Variants in SLC4A4 observed in about 807,000 individuals in gnomAD.
SLC4A4 encodes solute carrier family 4 member 4.
A neutral mutation model predicts 111.5 loss-of-function variants in SLC4A4; 27 were observed. The observed-to-expected ratio is 0.24, with a 90% confidence interval of 0.18 to 0.33. The LOEUF (loss-of-function observed/expected upper bound fraction) is 0.33, where lower values mean the gene tolerates loss of function less well. Among genes scored for constraint, SLC4A4 ranks in the 10% least tolerant of loss-of-function variants. The pLI is 1.00. For missense variants in SLC4A4, 909 were observed against 1,315.5 expected (o/e 0.69, Z 4.78); for synonymous variants, 443 against 463.4 (o/e 0.96, Z 0.57).
At chr4:71,488,576 A>G (rs984628762) in intron 15 of SLC4A4, among the ~76,000 whole-genome samples, 1 of 151,720 alleles carries the variant, frequency 6.6e-6, no homozygotes, top group Non-Finnish European at 1.5e-5. Flanking sequence ...TACCAGGGTT[A>G]ATTACTTCTA....
chr4:71,207,316 G>A (rs1331843737), intron 1 of SLC4A4, among the ~76,000 whole-genome samples: 1 of 152,186 alleles, frequency 6.6e-6, no homozygotes, highest in Non-Finnish European at 1.5e-5. Context: ...GCTTTAGTAT[G>A]TCTAGACAGA....
intron 3 of SLC4A4, among the ~76,000 whole-genome samples, chr4:71,269,530 A>T (rs567332493): frequency 1.3e-5 from 2 of 152,104 alleles, no homozygotes; most frequent in East Asian, 3.9e-4. Flanking sequence ...TTCTTTTCTG[A>T]GTTCAGAACA....
At chr4:71,444,911 C>A (rs1362150009) in intron 8 of SLC4A4, among the ~76,000 whole-genome samples, 2 of 152,106 alleles carry the variant, frequency 1.3e-5, no homozygotes, top group Admixed American at 6.5e-5. Context: ...TTTAAGGAGG[C>A]AGATTTACTG....
intron 1 of SLC4A4, among the ~76,000 whole-genome samples, chr4:71,205,136 A>G (rs996045): frequency 0.28 from 42,307 of 152,056 alleles, 9,129 homozygotes; most frequent in African/African-American, 0.58. Flanking sequence ...GCGTCAGAAT[A>G]TCTACTGATT....
Position 71,308,654 on chromosome 4 carries a change from C to T in SLC4A4, c.254-30716C>T, listed in dbSNP as rs145926530. ...ACTCCCTCCCCTAGCCAAGGAAAGC[C>T]GTGAGGGACTGTGCTATCTGGCCCA... On this transcript the variant is annotated intron_variant, in intron 3 of 25. Coordinates refer to ENST00000264485, the MANE Select transcript of SLC4A4 (RefSeq NM_001098484.3). Among the ~76,000 whole-genome samples, 1,015 of 152,272 alleles carry T rather than the reference C, an allele frequency of 6.7e-3. 15 individuals are homozygous for T. The highest frequency in any genetic ancestry group is 0.023 in the African/African-American group (948 of 41,552).
At chr4:71,260,018 A>T (rs186538513) in intron 3 of SLC4A4, among the ~76,000 whole-genome samples, 2 of 152,322 alleles carry the variant, frequency 1.3e-5, no homozygotes, top group Non-Finnish European at 2.9e-5. Flanking sequence ...AGGTATGTCC[A>T]TACAGACACT....
At chr4:71,398,284 C>CA (rs34473877) in intron 7 of SLC4A4, among the ~76,000 whole-genome samples, 20,772 of 78,112 alleles carry the variant, frequency 0.27, 2,075 homozygotes, top group South Asian at 0.42. Flanking sequence ...GACTTTGTCT[C>CA]AAAAAAAAAA....
At chr4:71,445,965 A>T in intron 8 of SLC4A4, among the ~76,000 whole-genome samples, 1 of 152,188 alleles carries the variant, frequency 6.6e-6, no homozygotes, top group East Asian at 1.9e-4. Context: ...GACTTCCTTC[A>T]TACTTGAACA....
chr4:71,525,358 A>T (rs1244027261), intron 16 of SLC4A4, among the ~76,000 whole-genome samples: 1 of 152,146 alleles, frequency 6.6e-6, no homozygotes, highest in East Asian at 1.9e-4. Flanking sequence ...AGTAAACAAA[A>T]ATGAAAGAGT....
intron 1 of SLC4A4, among the ~76,000 whole-genome samples, chr4:71,202,013 A>G (rs1746277511): frequency 6.6e-6 from 1 of 152,160 alleles, no homozygotes; most frequent in African/African-American, 2.4e-5. Flanking sequence ...TGAGTTGGAG[A>G]CTGGTGTGAT....
At chr4:71,257,495 G>A (rs918769875) in intron 3 of SLC4A4, among the ~76,000 whole-genome samples, 4 of 152,118 alleles carry the variant, frequency 2.6e-5, no homozygotes, top group Non-Finnish European at 5.9e-5. Context: ...GTACAGTTCT[G>A]TTTAAAAGTC....
chr4:71,062,798 A>G (rs1741422699), intron 1 of SLC4A4, among the ~76,000 whole-genome samples: 1 of 152,204 alleles, frequency 6.6e-6, no homozygotes, highest in African/African-American at 2.4e-5. Flanking sequence ...TGTAAGTAAA[A>G]CAATAAATAT....
chr4:71,259,460 C>T (rs572512656), intron 3 of SLC4A4, among the ~76,000 whole-genome samples: 16 of 151,728 alleles, frequency 1.1e-4, no homozygotes, highest in Non-Finnish European at 1.3e-4. Context: ...GAGAAGGAAA[C>T]GTGTGTGAGA....
chr4:71,409,643 G>A (rs968287926), intron 7 of SLC4A4, among the ~76,000 whole-genome samples: 2 of 152,216 alleles, frequency 1.3e-5, no homozygotes, highest in African/African-American at 4.8e-5. Context: ...GCCTGACAAT[G>A]CAGTAGAAAA....
chr4:71,447,736 A>G lies in SLC4A4; in HGVS notation c.1053+3A>G, dbSNP rs1327030569. The G allele has an allele frequency of 6.3e-7, 1 of 1,578,392 alleles. No homozygotes were observed. The highest frequency in any genetic ancestry group is 1.3e-5 in the African/African-American group (1 of 74,384). The stretch of plus-strand genomic sequence containing the variant: ...TTGCCACCCTGATGTCTGATGAGGT[A>G]GGAAATCAGGAAGATGGAGTTCTGT... On this transcript the variant is annotated splice_donor_region_variant and intron_variant, in intron 9 of 25. Coordinates refer to ENST00000264485, the MANE Select transcript of SLC4A4 (RefSeq NM_001098484.3).
intron 20 of SLC4A4, among the ~76,000 whole-genome samples, chr4:71,551,763 G>A (rs917866598): frequency 4.6e-5 from 7 of 151,850 alleles, no homozygotes; most frequent in Admixed American, 2.0e-4. Context: ...GTCCTTTCAT[G>A]TGCAGATAAA....
chr4:71,451,493 T>C (rs938697750), intron 11 of SLC4A4, among the ~76,000 whole-genome samples, 192 bp downstream of exon 11: 2 of 152,198 alleles, frequency 1.3e-5, no homozygotes, highest in African/African-American at 4.8e-5. Context: ...AAGGATCTTA[T>C]ATTGTAGTGA....
At chr4:71,274,800 A>G (rs1467268469) in intron 3 of SLC4A4, among the ~76,000 whole-genome samples, 1 of 152,212 alleles carries the variant, frequency 6.6e-6, no homozygotes, top group South Asian at 2.1e-4. Context: ...GATAATCTCT[A>G]CATTTCCTAC....
At chr4:71,567,482 A>G (rs1737590161) in intron 25 of SLC4A4, among the ~76,000 whole-genome samples, 1 of 151,586 alleles carries the variant, frequency 6.6e-6, no homozygotes, top group Non-Finnish European at 1.5e-5. Flanking sequence ...TTATTATGTC[A>G]GTCTTTTTGT....
Sources: allele counts gnomAD v4.1 joint callset (sites outside exome capture counted in the v4.1 genomes callset), GRCh38; gene constraint gnomAD v4.1.1; transcripts MANE v1.5; gene names NCBI Gene and HGNC (gene_info 2026-07-23, HGNC 2026-07-21).